GLRX: variants seen among roughly 807,000 people sequenced by gnomAD.
GLRX encodes glutaredoxin, also known as glutaredoxin-1.
GLRX carries 9 observed loss-of-function variants against 11.1 expected under a neutral mutation model. That is an observed-to-expected ratio of 0.81 (90% CI 0.49 to 1.42). The LOEUF (loss-of-function observed/expected upper bound fraction) is 1.42, where lower values mean the gene tolerates loss of function less well. GLRX is among the 40% of genes most tolerant of loss of function. GLRX has a pLI of 0.00. For synonymous variants in GLRX, 49 were observed against 49.5 expected (o/e 0.99, Z 0.04); for missense variants, 102 against 126.2 (o/e 0.81, Z 0.92).
intron 1 of GLRX, chr5:95,819,326 C>T (rs1747127538): frequency 6.6e-6 from 1 of 152,074 alleles, no homozygotes; most frequent in Admixed American, 6.5e-5. Flanking sequence ...CTAAGGTAAA[C>T]AAAACTTGAG....
In GLRX at chr5:95,816,643, C is replaced by T. The variant is rs1478706201; in HGVS notation, c.208-17G>A. 8.4e-7 allele frequency: 1 copy of T among 1,183,570 alleles called. No individual in the cohort carries two copies. Among genetic ancestry groups the T allele is most frequent in the South Asian group, 1.2e-5 (1 of 82,548 alleles). The allele number at this position is 1,183,570 out of a possible 1,614,324, so 73.3% of individuals were successfully genotyped here. Reference sequence around the variant, plus strand: ...TCGAGGCACCTAAAAAAGCACACGACCCAGGACATTACTACATTACTAGAT... The same window carrying T: ...TCGAGGCACCTAAAAAAGCACACGATCCAGGACATTACTACATTACTAGAT... On this transcript the variant is annotated splice_polypyrimidine_tract_variant and intron_variant, in intron 1 of 2. Coordinates refer to ENST00000237858, the MANE Select transcript of GLRX (RefSeq NM_001118890.2).
At chr5:95,820,884 G>A (rs2112870362) in intron 1 of GLRX, among the ~76,000 whole-genome samples, 1 of 152,174 alleles carries the variant, frequency 6.6e-6, no homozygotes, top group South Asian at 2.1e-4. Flanking sequence ...GGGAGGCCGA[G>A]GTAGGTGGAT....
intron 2 of GLRX, 56 bp downstream of exon 2, chr5:95,816,451 C>A (rs1254574429): frequency 8.1e-6 from 7 of 864,040 alleles, no homozygotes; most frequent in Non-Finnish European, 1.4e-5. Flanking sequence ...CAAACCACGA[C>A]AGAAGAATTC....
At chr5:95,822,350 G>A (rs1747273162) in intron 1 of GLRX, 106 bp downstream of exon 1, 2 of 890,136 alleles carry the variant, frequency 2.2e-6, no homozygotes, top group Non-Finnish European at 3.7e-6. Context: ...CAGCCCTCTG[G>A]ACGCCTTGAA....
rs779596647 is a variant in GLRX, at chr5:95,822,591, C to A, written c.72G>T (p.Pro24=). ...GGATCTCTTGGGCCCTCCTGCAGTA[C>A]GGGCAGGTGGGCTTGATGAACACAA... ...KVVVFIKPTC[P]YCRRAQEILS... Residue 24 remains proline, a synonymous_variant, in exon 1 of 3, where the codon CCG becomes CCT. Transcript: ENST00000237858. 1.2e-6 allele frequency: 2 copies of A among 1,613,680 alleles called. No individual in the cohort carries two copies. The highest frequency in any genetic ancestry group is 2.2e-5 in the South Asian group (2 of 91,068).
At chr5:95,819,908 A>AAAAC (rs1747157592) in intron 1 of GLRX, among the ~76,000 whole-genome samples, 1 of 150,856 alleles carries the variant, frequency 6.6e-6, no homozygotes, top group Non-Finnish European at 1.5e-5. Flanking sequence ...AAAAAAAAAA[A>AAAAC]AAAAAAAAAA....
intron 1 of GLRX, chr5:95,822,234 G>T: frequency 1.7e-6 from 1 of 581,800 alleles, no homozygotes; most frequent in East Asian, 2.9e-5. Flanking sequence ...GACATCAGCT[G>T]TACTCCCTCT....
At chr5:95,821,471 GGA>G (rs10534384) in intron 1 of GLRX, among the ~76,000 whole-genome samples, 103,655 of 151,924 alleles carry the variant, frequency 0.68, 35,456 homozygotes, top group East Asian at 0.8. Flanking sequence ...AGAGAGAAGG[GGA>G]GAGAAACAAC....
At position 95,822,616 on chromosome 5, in the gene GLRX, A is replaced by T. The variant is rs1580450231; in HGVS notation, c.47T>A (p.Val16Asp). Reference protein sequence around the residue: ...VNCKIQPGKVVVFIKPTCPYC... With the variant: ...VNCKIQPGKVDVFIKPTCPYC... The stretch of plus-strand genomic sequence containing the variant: ...CGGGCAGGTGGGCTTGATGAACACA[A>T]CCACCTTCCCAGGCTGGATTTTGCA... The change falls in exon 1 of 3, where the codon GTT (valine) becomes GAT (aspartate). Residue 16 changes from valine (V) to aspartate (D), a missense_variant. Val to Asp is a radical substitution (Grantham distance 152, BLOSUM62 -3). Transcript: ENST00000237858. 6.2e-6 allele frequency: 10 copies of T among 1,613,846 alleles called. No individual in the cohort carries two copies. The East Asian group carries it at 2.2e-4, about 36-fold the overall frequency.
chr5:95,821,729 T>G (rs754990500), intron 1 of GLRX, among the ~76,000 whole-genome samples: 8 of 152,038 alleles, frequency 5.3e-5, no homozygotes, highest in Non-Finnish European at 5.9e-5. Flanking sequence ...GTCTTTCGGA[T>G]GGAGGAGAGC....
chr5:95,819,792 G>A (rs562605951), intron 1 of GLRX, among the ~76,000 whole-genome samples: 2 of 150,734 alleles, frequency 1.3e-5, no homozygotes, highest in Non-Finnish European at 2.9e-5. Flanking sequence ...CCAGCTACTC[G>A]AGAGGCTGAG....
At chr5:95,818,007 TA>T (rs1279756403) in intron 1 of GLRX, 3 of 152,020 alleles carry the variant, frequency 2.0e-5, no homozygotes, top group Non-Finnish European at 4.4e-5. Flanking sequence ...GTCTAAAAAT[TA>T]AAAACAAATC....
At chr5:95,818,132 G>C (rs1343874467) in intron 1 of GLRX, 1 of 152,172 alleles carries the variant, frequency 6.6e-6, no homozygotes, top group East Asian at 1.9e-4. Flanking sequence ...ATGTGACCAG[G>C]CTGCTCCCAG....
rs1334763729 is a variant in GLRX at position 95,822,608 on chromosome 5, TG to T, written c.54del (p.Phe18LeufsTer63). 7 of 1,613,836 alleles carry T rather than the reference TG, an allele frequency of 4.3e-6. No homozygotes were observed. The highest frequency in any genetic ancestry group is 1.7e-5 in the Admixed American group (1 of 59,994). On this transcript the variant is annotated frameshift_variant, in exon 1 of 3. Coordinates refer to ENST00000237858, the MANE Select transcript of GLRX (RefSeq NM_001118890.2). LOFTEE classifies it high-confidence loss of function. The stretch of plus-strand genomic sequence containing the variant: ...CTGCAGTACGGGCAGGTGGGCTTGA[TG>T]AACACAACCACCTTCCCAGGCTGGA... Reference protein sequence around the residue: ...CKIQPGKVVVFIKPTCPYCRR... With the variant: ...CKIQPGKVVVXIKPTCPYCRR...
intron 1 of GLRX, among the ~76,000 whole-genome samples, chr5:95,820,412 C>G (rs891425715): frequency 7.6e-6 from 1 of 132,416 alleles, no homozygotes; most frequent in Non-Finnish European, 1.6e-5. Context: ...TGTTGTTCTA[C>G]AAAGAAATGA....
chr5:95,814,671 G>A (rs1742165421), intron 2 of GLRX: 1 of 152,380 alleles, frequency 6.6e-6, no homozygotes, highest in African/African-American at 2.4e-5. Flanking sequence ...GACACATGGA[G>A]AACAGTAAGA....
intron 1 of GLRX, chr5:95,819,107 C>CAGTAA (rs1338885281): frequency 1.3e-5 from 2 of 152,222 alleles, no homozygotes; most frequent in East Asian, 3.8e-4. Context: ...GTGCCACTTA[C>CAGTAA]CAACTCCCAA....
At position 95,822,603 on chromosome 5, in the gene GLRX, C is replaced by T. The variant is rs1580450207; in HGVS notation, c.60G>A (p.Lys20=). 6.2e-7 allele frequency: 1 copy of T among 1,613,876 alleles called. No individual in the cohort carries two copies. The highest frequency in any genetic ancestry group is 8.5e-7 in the Non-Finnish European group (1 of 1,179,826). Residue 20 remains lysine, a synonymous_variant, in exon 1 of 3, where the codon AAG becomes AAA. Coordinates refer to ENST00000237858, the MANE Select transcript of GLRX (RefSeq NM_001118890.2). ...IQPGKVVVFI[K]PTCPYCRRAQ... is the part of the protein sequence containing the mutation. The stretch of plus-strand genomic sequence containing the variant: ...CCCTCCTGCAGTACGGGCAGGTGGG[C>T]TTGATGAACACAACCACCTTCCCAG...
intron 1 of GLRX, among the ~76,000 whole-genome samples, chr5:95,821,602 T>G (rs1324996408): frequency 3.9e-5 from 6 of 152,288 alleles, no homozygotes; most frequent in Admixed American, 2.6e-4. Context: ...AAAGAGAACT[T>G]AGCTGAGCTG....
Sources: allele counts gnomAD v4.1 joint callset (sites outside exome capture counted in the v4.1 genomes callset), GRCh38; gene constraint gnomAD v4.1.1; transcripts MANE v1.5; gene names NCBI Gene and HGNC (gene_info 2026-07-23, HGNC 2026-07-21).